FYB1: variants seen among roughly 807,000 people sequenced by gnomAD.
The protein encoded by FYB1 is FYN binding protein 1.
A neutral mutation model predicts 94.1 loss-of-function variants in FYB1; 41 were observed. The ratio of observed to expected loss-of-function variants is 0.44; its 90% CI spans 0.34 to 0.57. The LOEUF (loss-of-function observed/expected upper bound fraction) is 0.57. FYB1 is among the 20% of genes least tolerant of loss of function. The pLI is 0.02. For missense variants in FYB1, 1,050 were observed against 976.8 expected (o/e 1.07, Z -1.00); for synonymous variants, 367 against 353.2 (o/e 1.04, Z -0.44).
chr5:39,206,375 C>T (rs1477234954), intron 1 of FYB1, among the ~76,000 whole-genome samples: 2 of 152,094 alleles, frequency 1.3e-5, no homozygotes, highest in South Asian at 2.1e-4. Context: ...CACCCTTAAT[C>T]GTAACAATAA....
intron 2 of FYB1, among the ~76,000 whole-genome samples, chr5:39,172,500 A>G (rs114554919): frequency 0.011 from 1,739 of 152,188 alleles, 34 homozygotes; most frequent in African/African-American, 0.039. Flanking sequence ...GTACACATGC[A>G]GGTTTGTTAC....
intron 1 of FYB1, among the ~76,000 whole-genome samples, chr5:39,242,946 A>T (rs1304248149): frequency 6.6e-6 from 1 of 152,104 alleles, no homozygotes; most frequent in South Asian, 2.1e-4. Flanking sequence ...TTCTTTTGAG[A>T]AGTGTCTGTT....
chr5:39,265,277 C>T (rs1469064659), intron 1 of FYB1, among the ~76,000 whole-genome samples: 2 of 151,924 alleles, frequency 1.3e-5, no homozygotes, highest in African/African-American at 2.4e-5. Flanking sequence ...GTCAGGAGAT[C>T]GAGACCAACC....
intron 1 of FYB1, among the ~76,000 whole-genome samples, chr5:39,257,880 C>T (rs1752031443): frequency 6.6e-6 from 1 of 151,912 alleles, no homozygotes; most frequent in Non-Finnish European, 1.5e-5. Context: ...CAAACAGCTG[C>T]ATACTTTAAA....
At chr5:39,213,118 A>G (rs1749564989) in intron 1 of FYB1, 1 of 152,152 alleles carries the variant, frequency 6.6e-6, no homozygotes, top group African/African-American at 2.4e-5. Context: ...TCATTATTAA[A>G]CTAATAATCA....
intron 1 of FYB1, among the ~76,000 whole-genome samples, chr5:39,207,043 G>A (rs1262552932): frequency 3.9e-5 from 6 of 152,132 alleles, no homozygotes; most frequent in Non-Finnish European, 7.4e-5. Context: ...ATTGGTGCGT[G>A]TTATTTGCAG....
At chr5:39,208,690 G>A (rs73091058) in intron 1 of FYB1, among the ~76,000 whole-genome samples, 7,842 of 152,228 alleles carry the variant, frequency 0.052, 276 homozygotes, top group Admixed American at 0.11. Context: ...CTAAGGCTTC[G>A]GAGATTGCAG....
intron 1 of FYB1, among the ~76,000 whole-genome samples, chr5:39,238,108 T>C (rs1751049143): frequency 6.6e-6 from 1 of 152,102 alleles, no homozygotes; most frequent in South Asian, 2.1e-4. Context: ...GAATGTACTT[T>C]ATGCCACTGA....
At chr5:39,266,503 C>G (rs911475387) in intron 1 of FYB1, among the ~76,000 whole-genome samples, 2 of 152,212 alleles carry the variant, frequency 1.3e-5, no homozygotes, top group Non-Finnish European at 2.9e-5. Context: ...TCACACATTT[C>G]CACAGTTTCC....
At chr5:39,160,196 C>T (rs1744124268) in intron 2 of FYB1, among the ~76,000 whole-genome samples, 1 of 152,158 alleles carries the variant, frequency 6.6e-6, no homozygotes, top group Non-Finnish European at 1.5e-5. Context: ...TCTTCATTTT[C>T]TCATCTGCGA....
At chr5:39,135,216 T>C (rs1741578281) in intron 7 of FYB1, among the ~76,000 whole-genome samples, 1 of 152,146 alleles carries the variant, frequency 6.6e-6, no homozygotes, top group African/African-American at 2.4e-5. Context: ...CAGGACCAGC[T>C]AAGACAGGTG....
intron 16 of FYB1, among the ~76,000 whole-genome samples, chr5:39,114,295 T>C (rs149180158): frequency 4.4e-4 from 67 of 152,218 alleles, no homozygotes; most frequent in African/African-American, 1.5e-3. Context: ...CTCTAAACAT[T>C]TGGAAATGTG....
At chr5:39,171,605 G>A (rs1745255660) in intron 2 of FYB1, among the ~76,000 whole-genome samples, 1 of 152,190 alleles carries the variant, frequency 6.6e-6, no homozygotes, top group African/African-American at 2.4e-5. Context: ...CAGGCAGGCT[G>A]TGAAAAGACC....
chr5:39,248,296 G>T lies in FYB1; in HGVS notation c.-28+26107C>A, dbSNP rs1180458115. Among the ~76,000 whole-genome samples, 3 of 152,110 alleles carry T rather than the reference G, an allele frequency of 2.0e-5. No homozygotes were observed. The East Asian group carries it at 5.8e-4, about 29-fold the overall frequency. On this transcript the variant is annotated intron_variant, in intron 1 of 1. Transcript: ENST00000510188. Reference sequence around the variant, plus strand: ...AGGATGCTTTTAGGGACTGGTTGGTGGAGACAGATAAGAGTGGAAAAAGTT... The same window carrying T: ...AGGATGCTTTTAGGGACTGGTTGGTTGAGACAGATAAGAGTGGAAAAAGTT...
Position 39,119,686 on chromosome 5 carries a change from G to T in FYB1, c.2139-52C>A, listed in dbSNP as rs7723939. The T allele has an allele frequency of 0.012, 17,002 of 1,428,496 alleles. 1,754 individuals are homozygous for T. In the African/African-American group the frequency reaches 0.22, roughly 19 times the overall value. 88.5% of individuals were successfully genotyped at this position (1,428,496 alleles called of 1,614,324 possible). A position where few individuals can be genotyped will look rare whatever the true frequency, so the allele number is the denominator to read the frequency against. ...AACACTTTGTTTAGAAAATTAAAAAGAATAGTCCATAACAGAGACGATTCA... is the reference window on the plus strand; with the variant it reads ...AACACTTTGTTTAGAAAATTAAAAATAATAGTCCATAACAGAGACGATTCA... On this transcript the variant is annotated intron_variant, in intron 14 of 18. Transcript: ENST00000512982.
chr5:39,192,119 C>T (rs969366420), intron 2 of FYB1, among the ~76,000 whole-genome samples: 4 of 152,216 alleles, frequency 2.6e-5, no homozygotes, highest in Non-Finnish European at 4.4e-5. Context: ...TGAAACAAGG[C>T]ACCTCCTGCA....
intron 1 of FYB1, among the ~76,000 whole-genome samples, chr5:39,247,105 T>TATATATAC (rs1554044465): frequency 4.2e-5 from 6 of 141,994 alleles, no homozygotes; most frequent in African/African-American, 1.6e-4. Context: ...TATATATATA[T>TATATATAC]ATATATATAT....
At chr5:39,273,975 A>G (rs1752731442) in intron 1 of FYB1, among the ~76,000 whole-genome samples, 1 of 151,858 alleles carries the variant, frequency 6.6e-6, no homozygotes, top group African/African-American at 2.4e-5. Flanking sequence ...CCCAGGCTAG[A>G]GTACAGTGGC....
At chr5:39,246,923 AC>A (rs1751499834) in intron 1 of FYB1, among the ~76,000 whole-genome samples, 1 of 151,872 alleles carries the variant, frequency 6.6e-6, no homozygotes. Flanking sequence ...CTCTGCCCTT[AC>A]TGTGAGACCT....
Sources: gnomAD v4.1 joint callset for allele counts (sites outside exome capture counted in the v4.1 genomes callset) on GRCh38, gnomAD v4.1.1 for gene constraint, MANE v1.5 for transcripts, NCBI Gene and HGNC (gene_info 2026-07-23, HGNC 2026-07-21) for gene names.